VPS41: variants seen among roughly 807,000 people sequenced by gnomAD.
VPS41 encodes the protein vacuolar protein sorting-associated protein 41 homolog.
A neutral mutation model predicts 130.9 loss-of-function variants in VPS41; 85 were observed. That is an observed-to-expected ratio of 0.65 (90% CI 0.55 to 0.78). The LOEUF (loss-of-function observed/expected upper bound fraction) is 0.78. Ranked by LOEUF, VPS41 falls within the 30% of genes least tolerant of loss-of-function variation. The pLI is 0.00. For synonymous variants in VPS41, 335 were observed against 332.9 expected, an observed-to-expected ratio of 1.01 and a Z score of -0.07; for missense variants, 874 against 1,018.7, an observed-to-expected ratio of 0.86 and a Z score of 1.93.
At chr7:38,766,431 G>C (rs1784044327) in intron 15 of VPS41, among the ~76,000 whole-genome samples, 1 of 152,134 alleles carries the variant, frequency 6.6e-6, no homozygotes, top group African/African-American at 2.4e-5. Flanking sequence ...ACTTTCTTCT[G>C]GACTATCTTC....
intron 21 of VPS41, 98 bp from the exon 22 acceptor site, chr7:38,752,411 G>A (rs1783695673): frequency 7.0e-7 from 1 of 1,429,778 alleles, no homozygotes; most frequent in African/African-American, 1.4e-5. Flanking sequence ...CCCATGGACA[G>A]GTTGGGGGAG....
chr7:38,732,588 G>A (rs573773883), intron 25 of VPS41, among the ~76,000 whole-genome samples: 5 of 152,156 alleles, frequency 3.3e-5, no homozygotes, highest in Non-Finnish European at 5.9e-5. Context: ...TAACATTTAT[G>A]ATATGGATGT....
At chr7:38,789,062 TAA>T (rs1264577689) in intron 10 of VPS41, among the ~76,000 whole-genome samples, 1 of 152,120 alleles carries the variant, frequency 6.6e-6, no homozygotes, top group Non-Finnish European at 1.5e-5. Context: ...AACTAAATTA[TAA>T]AAGTCATGGT....
At chr7:38,797,855 GAAGCA>G (rs1784651416) in intron 7 of VPS41, among the ~76,000 whole-genome samples, 1 of 152,098 alleles carries the variant, frequency 6.6e-6, no homozygotes, top group South Asian at 2.1e-4. Context: ...ACAGGCAGAG[GAAGCA>G]CAAAATAAAA....
chr7:38,775,028 T>C (rs923087841), intron 11 of VPS41, among the ~76,000 whole-genome samples: 5 of 152,202 alleles, frequency 3.3e-5, no homozygotes, highest in Admixed American at 2.6e-4. Context: ...AGCATGTGAC[T>C]ATCCCTGCAA....
At position 38,795,331 on chromosome 7, in the gene VPS41, A is replaced by C. The variant is rs76354811; in HGVS notation, c.717+134T>G. The stretch of plus-strand genomic sequence containing the variant: ...GCACAGGAAATAATTTGAGCATTAA[A>C]TGGTAATCACGTCACAATAACATCC... On this transcript the variant is annotated intron_variant, in intron 9 of 28. Coordinates refer to ENST00000310301, the MANE Select transcript of VPS41 (RefSeq NM_014396.4). The C allele has an allele frequency of 1.6e-3, 951 of 597,846 alleles. 7 individuals are homozygous for C. The African/African-American group carries it at 0.016, about 10-fold the overall frequency. The allele number at this position is 597,846 out of a possible 1,614,324, so 37.0% of individuals were successfully genotyped here. A position where few individuals can be genotyped will look rare whatever the true frequency, so the allele number is the denominator to read the frequency against.
chr7:38,876,606 C>T (rs550241820), intron 2 of VPS41, among the ~76,000 whole-genome samples: 29 of 152,228 alleles, frequency 1.9e-4, no homozygotes, highest in African/African-American at 6.3e-4. Flanking sequence ...ATTATAAAAA[C>T]GGTTCAACAT....
chr7:38,901,547 C>T (rs988309421), intron 1 of VPS41, among the ~76,000 whole-genome samples: 10 of 152,134 alleles, frequency 6.6e-5, no homozygotes, highest in African/African-American at 2.4e-4. Flanking sequence ...AACCAGCTCT[C>T]TTGGGAACTA....
chr7:38,883,340 C>T (rs1460174896), intron 2 of VPS41, among the ~76,000 whole-genome samples: 3 of 152,184 alleles, frequency 2.0e-5, no homozygotes, highest in Non-Finnish European at 4.4e-5. Context: ...CCATTTCCCA[C>T]CACTCTGCTC....
intron 25 of VPS41, chr7:38,741,335 C>A (rs1319407720): frequency 5.7e-6 from 2 of 352,736 alleles, no homozygotes; most frequent in Non-Finnish European, 5.7e-6. Flanking sequence ...TACCAGCATC[C>A]TGAAAAATAG....
At position 38,807,124 on chromosome 7, in the gene VPS41, C is replaced by T. The variant is rs181987448; in HGVS notation, c.451-10260G>A. Reference sequence around the variant, plus strand: ...CTTCTAGATAAGATTTATCAAAATGCCCAGCTGTAGAATTACTCATGCTTC... The same window carrying T: ...CTTCTAGATAAGATTTATCAAAATGTCCAGCTGTAGAATTACTCATGCTTC... On this transcript the variant is annotated intron_variant, in intron 7 of 28. Coordinates refer to ENST00000310301, the MANE Select transcript of VPS41 (RefSeq NM_014396.4). Among the ~76,000 whole-genome samples, 132 of 152,314 alleles carry T rather than the reference C, an allele frequency of 8.7e-4. 1 individual carries two copies. The highest frequency in any genetic ancestry group is 1.7e-3 in the South Asian group (8 of 4,832).
intron 25 of VPS41, among the ~76,000 whole-genome samples, chr7:38,731,910 T>C (rs2286108): frequency 0.99 from 151,218 of 152,292 alleles, 75,080 homozygotes; most frequent in African/African-American, 1. Context: ...CAGCTGACAC[T>C]TTCTTGCCCT....
chr7:38,752,345 T>C (rs1783694343), intron 21 of VPS41, 32 bp from the exon 22 acceptor site: 29 of 1,611,818 alleles, frequency 1.8e-5, no homozygotes, highest in Non-Finnish European at 2.5e-5. Flanking sequence ...CCGTGACCCA[T>C]TAAAATGAGA....
intron 7 of VPS41, among the ~76,000 whole-genome samples, chr7:38,811,573 C>G (rs1784943103): frequency 6.6e-6 from 1 of 151,478 alleles, no homozygotes; most frequent in African/African-American, 2.4e-5. Context: ...TATTATCACA[C>G]TTTTAAAAGA....
chr7:38,863,659 T>A, intron 3 of VPS41, among the ~76,000 whole-genome samples: 1 of 152,160 alleles, frequency 6.6e-6, no homozygotes, highest in East Asian at 1.9e-4. Flanking sequence ...TGCCTTTCAC[T>A]CCTGCAAGGT....
chr7:38,756,649 A>G (rs921375095), intron 19 of VPS41, among the ~76,000 whole-genome samples, 189 bp downstream of exon 19: 5 of 152,212 alleles, frequency 3.3e-5, no homozygotes, highest in African/African-American at 1.2e-4. Context: ...CTACATTATG[A>G]AAAGGATTCC....
intron 9 of VPS41, among the ~76,000 whole-genome samples, chr7:38,792,084 C>T (rs1784546095): frequency 6.6e-6 from 1 of 152,178 alleles, no homozygotes; most frequent in African/African-American, 2.4e-5. Flanking sequence ...GGTCATGCCA[C>T]AGCTTGAGAA....
intron 16 of VPS41, among the ~76,000 whole-genome samples, chr7:38,764,367 G>A (rs867898251): frequency 6.6e-6 from 1 of 152,202 alleles, no homozygotes; most frequent in Non-Finnish European, 1.5e-5. Context: ...CCAGAGATGC[G>A]AGATGGCGTC....
At chr7:38,813,727 A>C (rs2116079546) in intron 7 of VPS41, among the ~76,000 whole-genome samples, 1 of 152,280 alleles carries the variant, frequency 6.6e-6, no homozygotes, top group East Asian at 1.9e-4. Context: ...TTTTAGTCCC[A>C]AATGTCTAAG....
Sources: allele counts gnomAD v4.1 joint callset (sites outside exome capture counted in the v4.1 genomes callset), GRCh38; gene constraint gnomAD v4.1.1; transcripts MANE v1.5; gene names NCBI Gene and HGNC (gene_info 2026-07-23, HGNC 2026-07-21).